The following SCUBE2 variants were observed in gnomAD, a reference collection of about 807,000 sequenced individuals.
SCUBE2 encodes the protein signal peptide, CUB and EGF-like domain-containing protein 2.
Under a neutral mutation model 125.9 loss-of-function variants are expected in SCUBE2, and 114 were observed. That is an observed-to-expected ratio of 0.91 (90% CI 0.78 to 1.06). The LOEUF (loss-of-function observed/expected upper bound fraction) is 1.06, where lower values mean the gene tolerates loss of function less well. Ranked by LOEUF, SCUBE2 falls within the 50% of genes least tolerant of loss-of-function variation. The pLI is 0.00. For missense variants in SCUBE2, 1,255 were observed against 1,301.8 expected (o/e 0.96, Z 0.55); for synonymous variants, 459 against 492.9 (o/e 0.93, Z 0.91).
intron 2 of SCUBE2, among the ~76,000 whole-genome samples, chr11:9,082,145 T>C (rs1861690710): frequency 6.6e-6 from 1 of 152,234 alleles, no homozygotes; most frequent in African/African-American, 2.4e-5. Context: ...TTAGCTGAAA[T>C]GTCTATTCAG....
intron 2 of SCUBE2, among the ~76,000 whole-genome samples, chr11:9,080,095 G>A (rs1232005296): frequency 2.6e-5 from 4 of 152,152 alleles, no homozygotes; most frequent in Non-Finnish European, 5.9e-5. Context: ...AAAGACAGAG[G>A]TATAGATCAA....
chr11:9,046,048 C>T lies in SCUBE2; in HGVS notation c.2002+1308G>A, dbSNP rs192310966. On this transcript the variant is annotated intron_variant, in intron 16 of 22. Coordinates refer to ENST00000649792, the MANE Select transcript of SCUBE2 (RefSeq NM_001367977.2). ...TTGAGACGGAGTCTTGCTCTGTCGC[C>T]CAGGCTGGAGTGCAGTGGCACGATC... 4.2e-4 allele frequency among the ~76,000 whole-genome samples: 63 copies of T among 149,314 alleles called. 1 individual carries two copies. Among genetic ancestry groups the T allele is most frequent in the Non-Finnish European group, 8.0e-4 (54 of 67,466 alleles).
intron 2 of SCUBE2, among the ~76,000 whole-genome samples, chr11:9,088,359 G>A (rs907687138): frequency 8.5e-5 from 13 of 152,212 alleles, no homozygotes; most frequent in Non-Finnish European, 1.5e-4. Flanking sequence ...ATGGTGGCAG[G>A]CGCCTGTAAT....
chr11:9,077,269 T>C (rs1449291507), intron 3 of SCUBE2, among the ~76,000 whole-genome samples: 1 of 151,950 alleles, frequency 6.6e-6, no homozygotes, highest in Non-Finnish European at 1.5e-5. Context: ...TAGGTGATGG[T>C]TTTTTTTAAG....
chr11:9,087,524 G>A (rs1043602146), intron 2 of SCUBE2, among the ~76,000 whole-genome samples: 4 of 152,042 alleles, frequency 2.6e-5, no homozygotes, highest in African/African-American at 4.8e-5. Flanking sequence ...GGGGAGGGGG[G>A]AAGAGAGAGA....
Position 9,019,732 on chromosome 11 carries a change from T to C in SCUBE2, c.*1313A>G, listed in dbSNP as rs539407402. Among the ~76,000 whole-genome samples, 4 of 152,330 alleles carry C rather than the reference T, an allele frequency of 2.6e-5. No homozygotes were observed. The highest frequency in any genetic ancestry group is 7.2e-5 in the African/African-American group (3 of 41,580). On this transcript the variant is annotated 3_prime_UTR_variant, in exon 23 of 23. Transcript: ENST00000649792. ...GTTAAACATTTTTTTAGTACTTTGG[T>C]ATGGAGAATTGGCTGTGCATAGAAT...
Position 9,033,650 on chromosome 11 carries a change from C to T in SCUBE2, c.2149G>A (p.Ala717Thr), listed in dbSNP as rs773829304. The change falls in exon 17 of 23, where the codon GCT becomes ACT. Residue 717 changes from alanine to threonine, a missense_variant. Around this residue, in one of 3 missense-constraint regions of SCUBE2, gnomAD observed 515 missense variants for 515.7 expected, o/e 1.00. Transcript: ENST00000649792. ...CCTCCACATTCAGACATATTCCAAG[C>T]TTCTGGGGTCTTCAGGGCCCCAGAA... The part of the protein sequence containing the change: ...GNSGALKTPE[A>T]WNMSECGGLC... The T allele has an allele frequency of 1.2e-6, 2 of 1,614,102 alleles. No individual in the cohort carries two copies. Among genetic ancestry groups the T allele is most frequent in the Non-Finnish European group, 1.7e-6 (2 of 1,180,020 alleles).
chr11:9,021,009 A>G lies in SCUBE2; in HGVS notation c.*36T>C. On this transcript the variant is annotated 3_prime_UTR_variant, in exon 23 of 23. Coordinates refer to ENST00000649792, the MANE Select transcript of SCUBE2 (RefSeq NM_001367977.2). ...GACAGCTCTGTCCCACCAACCCTAT[A>G]GCAGAACATTTGTATTGAGTGGCAC... 7.5e-6 allele frequency: 12 copies of G among 1,596,094 alleles called. No individual in the cohort carries two copies. Among genetic ancestry groups the G allele is most frequent in the Non-Finnish European group, 1.0e-5 (12 of 1,169,658 alleles).
intron 6 of SCUBE2, 30 bp downstream of exon 6, chr11:9,066,667 C>T: frequency 6.4e-7 from 1 of 1,560,976 alleles, no homozygotes; most frequent in Non-Finnish European, 8.8e-7. Context: ...CTGGTGCAGA[C>T]CCTCACTCAG....
Position 9,021,049 on chromosome 11 carries a change from T to C in SCUBE2, c.3083A>G (p.Lys1028Arg). The change falls in exon 23 of 23, where the codon AAA becomes AGA. Residue 1028 changes from lysine (K) to arginine (R), a missense_variant. Physicochemically the swap from Lys to Arg is conservative, Grantham distance 26. Coordinates refer to ENST00000649792, the MANE Select transcript of SCUBE2 (RefSeq NM_001367977.2). ...TTGAGTGGCACGTGGGCTGAGTCAT[T>C]TGTAAGGTCTCAAAAACCTGGACAC... The part of the protein sequence containing the change: ...SKVSRFLRPY[K>R] 6.2e-7 allele frequency: 1 copy of C among 1,613,162 alleles called. No homozygotes were observed.
At chr11:9,086,405 G>T (rs528179779) in intron 2 of SCUBE2, among the ~76,000 whole-genome samples, 3 of 152,304 alleles carry the variant, frequency 2.0e-5, no homozygotes, top group South Asian at 4.1e-4. Flanking sequence ...TTGGTCCCAA[G>T]AGGCTCAAAA....
chr11:9,040,795 C>T (rs1464357027), intron 16 of SCUBE2, among the ~76,000 whole-genome samples: 1 of 152,210 alleles, frequency 6.6e-6, no homozygotes. Flanking sequence ...CAGGACAACA[C>T]GAGATTTCAT....
intron 3 of SCUBE2, among the ~76,000 whole-genome samples, chr11:9,074,958 G>A (rs570115592): frequency 6.6e-6 from 1 of 152,308 alleles, no homozygotes; most frequent in Non-Finnish European, 1.5e-5. Flanking sequence ...GCTCAAGCCT[G>A]TAATCCCAGC....
intron 14 of SCUBE2, among the ~76,000 whole-genome samples, chr11:9,048,754 A>G (rs1398555118): frequency 6.6e-6 from 1 of 152,176 alleles, no homozygotes; most frequent in Non-Finnish European, 1.5e-5. Context: ...CCCTCTCACC[A>G]TGGTTTCCAG....
chr11:9,030,052 G>A lies in SCUBE2; in HGVS notation c.2342-7C>T, dbSNP rs769722415. On this transcript the variant is annotated splice_region_variant and splice_polypyrimidine_tract_variant and intron_variant, in intron 18 of 22. Transcript: ENST00000649792. ...TGTCCAGGTGAACATTGAACTGTGG[G>A]TCAAGGGAGGGTGAAAAGAATGAAA... is the stretch of plus-strand genomic sequence containing the variant. The A allele has an allele frequency of 9.3e-6, 15 of 1,608,998 alleles. No homozygotes were observed. The highest frequency in any genetic ancestry group is 1.3e-5 in the Non-Finnish European group (15 of 1,176,152).
intron 10 of SCUBE2, among the ~76,000 whole-genome samples, chr11:9,054,888 C>A (rs1271413984): frequency 6.6e-6 from 1 of 151,238 alleles, no homozygotes; most frequent in Non-Finnish European, 1.5e-5. Flanking sequence ...GCATGCGCCA[C>A]CACGCCCGGC....
chr11:9,021,087 C>T lies in SCUBE2; in HGVS notation c.3045G>A (p.Leu1015=). ...REMFPRSFIR[L]LRSKVSRFLR... ...AAAACCTGGACACTTTGGAACGTAG[C>T]AATCGGATGAACGATCTTGGAAACA... Residue 1015 remains leucine (L), a synonymous_variant, in exon 23 of 23, where the codon TTG becomes TTA. Coordinates refer to ENST00000649792, the MANE Select transcript of SCUBE2 (RefSeq NM_001367977.2). 6.2e-7 allele frequency: 1 copy of T among 1,613,690 alleles called. No individual in the cohort carries two copies. Among genetic ancestry groups the T allele is most frequent in the Non-Finnish European group, 8.5e-7 (1 of 1,179,828 alleles).
chr11:9,071,875 G>C (rs61362882), intron 4 of SCUBE2, among the ~76,000 whole-genome samples: 1 of 152,084 alleles, frequency 6.6e-6, no homozygotes, highest in Admixed American at 6.5e-5. Context: ...AACAAAAGAG[G>C]AGTGCTCATT....
chr11:9,052,425 G>C (rs184915819), intron 13 of SCUBE2, among the ~76,000 whole-genome samples: 148 of 152,368 alleles, frequency 9.7e-4, no homozygotes, highest in Non-Finnish European at 1.9e-3. Context: ...ATGTGCTCCA[G>C]GCACATTCCC....
Sources: allele counts gnomAD v4.1 joint callset (sites outside exome capture counted in the v4.1 genomes callset), GRCh38; gene constraint gnomAD v4.1.1; regional missense constraint gnomAD v4.1.1; transcripts MANE v1.5; gene names NCBI Gene and HGNC (gene_info 2026-07-23, HGNC 2026-07-21).